The following PCDH9 variants were observed in gnomAD, a reference collection of about 807,000 sequenced individuals.
PCDH9 encodes protocadherin 9.
PCDH9 carries 24 observed loss-of-function variants against 70.6 expected under a neutral mutation model. The observed-to-expected ratio is 0.34, with a 90% CI of 0.25 to 0.48. The LOEUF (loss-of-function observed/expected upper bound fraction) is 0.48, where lower values mean the gene tolerates loss of function less well. PCDH9 is among the 20% of genes least tolerant of loss of function. The pLI is 0.99. For missense variants in PCDH9, 1,281 were observed against 1,503.6 expected, an observed-to-expected ratio of 0.85 and a Z score of 2.45; for synonymous variants, 562 against 558.5, an observed-to-expected ratio of 1.01 and a Z score of -0.09.
chr13:66,392,022 T>C (rs538704839), intron 4 of PCDH9, among the ~76,000 whole-genome samples: 40 of 151,726 alleles, frequency 2.6e-4, no homozygotes, highest in African/African-American at 9.4e-4. Flanking sequence ...TACACACTCA[T>C]AGCCATCTCA....
intron 3 of PCDH9, among the ~76,000 whole-genome samples, chr13:66,726,611 C>T (rs944565015): frequency 6.6e-6 from 1 of 152,120 alleles, no homozygotes; most frequent in African/African-American, 2.4e-5. Context: ...TTCTGCTCCA[C>T]TTATTCCCCA....
intron 4 of PCDH9, among the ~76,000 whole-genome samples, chr13:66,553,892 A>G (rs1397757300): frequency 6.6e-6 from 1 of 152,214 alleles, no homozygotes; most frequent in African/African-American, 2.4e-5. Flanking sequence ...TACAAAAATA[A>G]TAATTGAGAG....
chr13:66,478,628 T>G (rs1958776955), intron 4 of PCDH9, among the ~76,000 whole-genome samples: 1 of 152,200 alleles, frequency 6.6e-6, no homozygotes, highest in African/African-American at 2.4e-5. Flanking sequence ...AAGATCAAAC[T>G]GGCCACAACT....
rs891924125 is a variant in PCDH9, at chr13:66,542,677, AAT to A, written c.3340+88531_3340+88532del. Among the ~76,000 whole-genome samples the A allele has an allele frequency of 4.5e-5, 5 of 112,270 alleles. No homozygotes were observed. In the South Asian group the frequency reaches 1.2e-3, roughly 27 times the overall value. 73.7% of individuals were successfully genotyped at this position (112,270 alleles called of 152,430 possible). ...TTAAAGTCAAATATATATATATTTA[AAT>A]ATATATATGTTTAAATATATATATA... is the stretch of plus-strand genomic sequence containing the variant. On this transcript the variant is annotated intron_variant, in intron 4 of 4. Coordinates refer to ENST00000377865, the MANE Select transcript of PCDH9 (RefSeq NM_203487.3).
intron 2 of PCDH9, among the ~76,000 whole-genome samples, chr13:67,197,794 G>A (rs2089109577): frequency 6.6e-6 from 1 of 151,646 alleles, no homozygotes; most frequent in African/African-American, 2.4e-5. Context: ...ATAAGTAATT[G>A]CCAAAAGGCA....
intron 4 of PCDH9, among the ~76,000 whole-genome samples, chr13:66,354,206 C>A (rs1351987650): frequency 6.6e-6 from 1 of 152,030 alleles, no homozygotes. Flanking sequence ...AATACAGACT[C>A]CCTCTGATTT....
intron 2 of PCDH9, among the ~76,000 whole-genome samples, chr13:67,177,465 C>A (rs2088493989): frequency 6.6e-6 from 1 of 152,040 alleles, no homozygotes; most frequent in South Asian, 2.1e-4. Flanking sequence ...AATTTATCAG[C>A]CTTTACTTTA....
Position 67,193,332 on chromosome 13 carries a change from AACACACACACACAC to A in PCDH9, c.3036+32059_3036+32072del, listed in dbSNP as rs71110637. The stretch of plus-strand genomic sequence containing the variant: ...TGTGCTTTGTGCTACTGGAGATTAA[AACACACACACACAC>A]ACACACACACACACACACACAACAT... On this transcript the variant is annotated intron_variant, in intron 2 of 4. Transcript: ENST00000377865. Among the ~76,000 whole-genome samples the A allele has an allele frequency of 1.1e-3, 159 of 142,060 alleles. 1 individual carries two copies. Among genetic ancestry groups the A allele is most frequent in the African/African-American group, 3.8e-3 (146 of 38,690 alleles). 93.2% of individuals were successfully genotyped at this position (142,060 alleles called of 152,430 possible).
At chr13:67,209,690 G>T (rs2089430294) in intron 2 of PCDH9, 1 of 152,072 alleles carries the variant, frequency 6.6e-6, no homozygotes, top group African/African-American at 2.4e-5. Flanking sequence ...TCTTATTTCT[G>T]CAGTGTTGTG....
At chr13:66,449,901 T>G (rs985626388) in intron 4 of PCDH9, among the ~76,000 whole-genome samples, 1 of 152,182 alleles carries the variant, frequency 6.6e-6, no homozygotes, top group African/African-American at 2.4e-5. Context: ...GTGAGAGACC[T>G]TTTAATGCCT....
intron 3 of PCDH9, among the ~76,000 whole-genome samples, chr13:66,755,411 T>C (rs2079524810): frequency 6.6e-6 from 1 of 152,186 alleles, no homozygotes; most frequent in South Asian, 2.1e-4. Context: ...AGCACATGTC[T>C]GTTTCGTTGA....
intron 3 of PCDH9, among the ~76,000 whole-genome samples, chr13:66,824,651 GAT>G (rs67211029): frequency 0.043 from 4,116 of 96,074 alleles, 64 homozygotes; most frequent in African/African-American, 0.052. Context: ...GCGAAACTCT[GAT>G]ATATATATAT....
chr13:66,961,428 G>T (rs2083343339), intron 2 of PCDH9, among the ~76,000 whole-genome samples: 1 of 152,174 alleles, frequency 6.6e-6, no homozygotes. Context: ...GAATCCTTAA[G>T]TGGGACCTCA....
At chr13:66,787,226 G>A (rs1354599642) in intron 3 of PCDH9, among the ~76,000 whole-genome samples, 1 of 152,118 alleles carries the variant, frequency 6.6e-6, no homozygotes, top group Admixed American at 6.6e-5. Context: ...ACTTAAGACA[G>A]CACACGGTAA....
chr13:66,729,374 T>A (rs1396059501), intron 3 of PCDH9, among the ~76,000 whole-genome samples: 1 of 152,202 alleles, frequency 6.6e-6, no homozygotes, highest in African/African-American at 2.4e-5. Flanking sequence ...CCCTCCTGAC[T>A]TTTAGTCATG....
At chr13:66,468,081 A>C (rs902510454) in intron 4 of PCDH9, among the ~76,000 whole-genome samples, 1 of 151,970 alleles carries the variant, frequency 6.6e-6, no homozygotes, top group Non-Finnish European at 1.5e-5. Context: ...CTCCAGCTGG[A>C]TATCTAAAAG....
At chr13:66,906,521 G>A (rs1275090746) in intron 2 of PCDH9, among the ~76,000 whole-genome samples, 1 of 152,030 alleles carries the variant, frequency 6.6e-6, no homozygotes, top group African/African-American at 2.4e-5. Flanking sequence ...ATAACAAAAT[G>A]AGCGCATTTG....
intron 4 of PCDH9, among the ~76,000 whole-genome samples, chr13:66,551,157 G>A (rs952791): frequency 6.6e-6 from 1 of 152,084 alleles, no homozygotes; most frequent in African/African-American, 2.4e-5. Flanking sequence ...TGTTGGCTAA[G>A]AGTGTCTTTA....
At chr13:66,780,508 G>A (rs1189476973) in intron 3 of PCDH9, among the ~76,000 whole-genome samples, 2 of 152,052 alleles carry the variant, frequency 1.3e-5, no homozygotes, top group Non-Finnish European at 2.9e-5. Flanking sequence ...TCTCTCAAAT[G>A]CCATTCTTTC....
Sources: gnomAD v4.1 joint callset for allele counts (sites outside exome capture counted in the v4.1 genomes callset) on GRCh38, gnomAD v4.1.1 for gene constraint, MANE v1.5 for transcripts, NCBI Gene and HGNC (gene_info 2026-07-23, HGNC 2026-07-21) for gene names.